BCKDHB: variants seen among roughly 807,000 people sequenced by gnomAD.
BCKDHB encodes branched chain keto acid dehydrogenase E1 subunit beta, also known as 2-oxoisovalerate dehydrogenase subunit beta, mitochondrial.
BCKDHB carries 41 observed loss-of-function variants against 48.5 expected under a neutral mutation model. The ratio of observed to expected loss-of-function variants is 0.85; its 90% confidence interval spans 0.66 to 1.10. The LOEUF is 1.10. BCKDHB is among the 50% of genes least tolerant of loss of function. The pLI is 0.00. For synonymous variants in BCKDHB, 201 were observed against 174.8 expected (o/e 1.15, Z -1.18); for missense variants, 496 against 494.2 (o/e 1.00, Z -0.03).
the BCKDHB span, among the ~76,000 whole-genome samples, chr6:80,428,784 T>C: frequency 1.3e-5 from 2 of 152,222 alleles, no homozygotes; most frequent in African/African-American, 2.4e-5. Flanking sequence ...CTTTGTCAGA[T>C]GGACAGATTG....
At chr6:80,161,564 C>T (rs1024879600) in intron 3 of BCKDHB, among the ~76,000 whole-genome samples, 1 of 152,234 alleles carries the variant, frequency 6.6e-6, no homozygotes, top group Non-Finnish European at 1.5e-5. Context: ...CACTGACACT[C>T]CCCCTCCTTG....
At chr6:80,347,502 GGGTTGT>G (rs570704483), downstream of BCKDHB, among the ~76,000 whole-genome samples, 6 of 152,232 alleles carry the variant, frequency 3.9e-5, no homozygotes, top group East Asian at 1.2e-3. Flanking sequence ...GGCCTACAGT[GGGTTGT>G]AGTTAAACAT....
intron 9 of BCKDHB, among the ~76,000 whole-genome samples, chr6:80,309,362 G>A (rs1391714996): frequency 6.6e-6 from 1 of 152,132 alleles, no homozygotes; most frequent in African/African-American, 2.4e-5. Flanking sequence ...ACCATGCCCA[G>A]CCAAAAGTAT....
At chr6:80,197,720 G>A (rs1012588868) in intron 6 of BCKDHB, among the ~76,000 whole-genome samples, 2 of 152,150 alleles carry the variant, frequency 1.3e-5, no homozygotes, top group African/African-American at 2.4e-5. Flanking sequence ...TTGTCTACTG[G>A]CATTCAGATG....
At chr6:80,198,519 G>A (rs981408775) in intron 6 of BCKDHB, among the ~76,000 whole-genome samples, 2 of 151,808 alleles carry the variant, frequency 1.3e-5, no homozygotes, top group African/African-American at 4.8e-5. Context: ...AATGTCATTG[G>A]ATTGGAAATC....
At chr6:80,330,845 C>T (rs928975798) in intron 9 of BCKDHB, among the ~76,000 whole-genome samples, 1 of 151,234 alleles carries the variant, frequency 6.6e-6, no homozygotes, top group Admixed American at 6.6e-5. Flanking sequence ...TTTTTCTGCC[C>T]AGACCTACAC....
At chr6:80,363,108 T>C in the BCKDHB span, among the ~76,000 whole-genome samples, 1 of 152,312 alleles carries the variant, frequency 6.6e-6, no homozygotes, top group East Asian at 1.9e-4. Context: ...ATGGTAATTA[T>C]TCTCTACCTA....
At chr6:80,171,425 C>T in intron 6 of BCKDHB, 35 bp downstream of exon 6, 1 of 1,254,314 alleles carries the variant, frequency 8.0e-7, no homozygotes, top group Non-Finnish European at 1.1e-6. Flanking sequence ...TTGTGAATAT[C>T]TTTATATACT....
chr6:80,235,760 C>CT (rs1268246478), intron 8 of BCKDHB, among the ~76,000 whole-genome samples: 1 of 152,166 alleles, frequency 6.6e-6, no homozygotes, highest in Non-Finnish European at 1.5e-5. Context: ...AAATCATGGC[C>CT]TGGTTCTTGA....
At chr6:80,193,514 T>G (rs1582325194) in intron 6 of BCKDHB, among the ~76,000 whole-genome samples, 1 of 151,390 alleles carries the variant, frequency 6.6e-6, no homozygotes, top group African/African-American at 2.4e-5. Context: ...AGGTCAGGAG[T>G]TCAAGGCCAG....
chr6:80,231,446 T>C (rs1251998165), intron 8 of BCKDHB, among the ~76,000 whole-genome samples: 1 of 152,152 alleles, frequency 6.6e-6, no homozygotes, highest in Non-Finnish European at 1.5e-5. Context: ...GCAACACATA[T>C]AACAGAAAAA....
At chr6:80,353,830 G>A in the BCKDHB span, among the ~76,000 whole-genome samples, 2 of 149,710 alleles carry the variant, frequency 1.3e-5, no homozygotes, top group Non-Finnish European at 3.0e-5. Flanking sequence ...TCCAGCCTGG[G>A]CGACAAAGTG....
the BCKDHB span, among the ~76,000 whole-genome samples, chr6:80,378,305 C>T: frequency 1.3e-5 from 2 of 152,268 alleles, no homozygotes; most frequent in South Asian, 2.1e-4. Flanking sequence ...CATTGTTTAG[C>T]TCCCTCTTCT....
intron 8 of BCKDHB, among the ~76,000 whole-genome samples, chr6:80,258,633 C>T (rs1777158851): frequency 6.6e-6 from 1 of 152,172 alleles, no homozygotes; most frequent in Non-Finnish European, 1.5e-5. Flanking sequence ...CCTGCCTTTT[C>T]CCAGCCCCAG....
At chr6:80,398,440 T>A in the BCKDHB span, among the ~76,000 whole-genome samples, 3 of 152,180 alleles carry the variant, frequency 2.0e-5, no homozygotes, top group African/African-American at 7.2e-5. Flanking sequence ...CAGAGAATAC[T>A]GTGAGCACCT....
chr6:80,230,039 T>A (rs1301206619), intron 8 of BCKDHB, among the ~76,000 whole-genome samples: 3 of 123,714 alleles, frequency 2.4e-5, no homozygotes, highest in African/African-American at 9.5e-5. Context: ...TTTTTTTTTT[T>A]TTTTTTTTTT....
chr6:80,432,403 T>G, the BCKDHB span, among the ~76,000 whole-genome samples: 2 of 152,176 alleles, frequency 1.3e-5, no homozygotes, highest in Non-Finnish European at 2.9e-5. Flanking sequence ...TTCTCTAATC[T>G]TGTCTTCTTG....
intron 8 of BCKDHB, among the ~76,000 whole-genome samples, chr6:80,248,900 GTA>G (rs1335004084): frequency 4.2e-4 from 27 of 64,474 alleles, no homozygotes; most frequent in Admixed American, 8.7e-4. Context: ...GTGTGTGTGT[GTA>G]TGTGTGTGTG....
chr6:80,443,767 C>T, the BCKDHB span, among the ~76,000 whole-genome samples: 2 of 152,026 alleles, frequency 1.3e-5, no homozygotes, highest in South Asian at 2.1e-4. Context: ...CTGCATACTC[C>T]CAAAATGCTG....
Sources: gnomAD v4.1 joint callset for allele counts (sites outside exome capture counted in the v4.1 genomes callset) on GRCh38, gnomAD v4.1.1 for gene constraint, MANE v1.5 for transcripts, NCBI Gene and HGNC (gene_info 2026-07-23, HGNC 2026-07-21) for gene names.